NLRP7: variants seen among roughly 807,000 people sequenced by gnomAD.
NLRP7 encodes NLR family pyrin domain containing 7, also known as NACHT, LRR and PYD domains-containing protein 7.
NLRP7 carries 72 observed loss-of-function variants against 85.5 expected under a neutral mutation model. That is an observed-to-expected ratio of 0.84 (90% CI 0.70 to 1.02). The LOEUF (loss-of-function observed/expected upper bound fraction) is 1.02, where lower values mean the gene tolerates loss of function less well. Ranked by LOEUF, NLRP7 falls within the 50% of genes least tolerant of loss-of-function variation. NLRP7 has a pLI of 0.00. For missense variants in NLRP7, 1,243 were observed against 1,219.5 expected, an observed-to-expected ratio of 1.02 and a Z score of -0.29; for synonymous variants, 550 against 505.2, an observed-to-expected ratio of 1.09 and a Z score of -1.19.
At chr19:54,939,888 G>C (rs79513034) in exon 4 of NLRP7, 1 of 1,613,844 alleles carries the variant, frequency 6.2e-7, no homozygotes, top group Non-Finnish European at 8.5e-7. Context: ...TGCGCCAGGA[G>C]CTGGAGGTCC....
chr19:54,939,117 G>A (rs771417315), exon 4 of NLRP7: 10 of 1,614,210 alleles, frequency 6.2e-6, no homozygotes, highest in Non-Finnish European at 8.5e-6. Context: ...ACCTCCTTCA[G>A]GTCGGTCACG....
intron 8 of NLRP7, 41 bp downstream of exon 8, chr19:54,933,528 G>A: frequency 6.2e-7 from 1 of 1,605,924 alleles, no homozygotes; most frequent in South Asian, 1.1e-5. Flanking sequence ...TCTCCTGCTT[G>A]AATTCATGTG....
chr19:54,926,653 T>C (rs2068450159), intron 9 of NLRP7, among the ~76,000 whole-genome samples: 1 of 151,926 alleles, frequency 6.6e-6, no homozygotes, highest in African/African-American at 2.4e-5. Flanking sequence ...CAGTGGCTCA[T>C]GCCTGTAATC....
At chr19:54,929,119 A>G (rs977168874) in intron 9 of NLRP7, among the ~76,000 whole-genome samples, 14 of 152,334 alleles carry the variant, frequency 9.2e-5, no homozygotes, top group African/African-American at 3.4e-4. Flanking sequence ...CTGTAATCCC[A>G]GCACTTTGGG....
At chr19:54,959,838 C>T (rs570650066) in intron 1 of NLRP7, among the ~76,000 whole-genome samples, 4 of 152,010 alleles carry the variant, frequency 2.6e-5, no homozygotes, top group Admixed American at 1.3e-4. Context: ...CCAACTGCTC[C>T]GTTTTAGGTC....
At chr19:54,951,988 G>A (rs1348349539), upstream of NLRP7, among the ~76,000 whole-genome samples, 7 of 151,998 alleles carry the variant, frequency 4.6e-5, no homozygotes, top group Non-Finnish European at 7.4e-5. Flanking sequence ...TCCTGACCTC[G>A]TGATCCTCCC....
intron 9 of NLRP7, among the ~76,000 whole-genome samples, 184 bp from the exon 10 acceptor site, chr19:54,927,959 G>A (rs1193052222): frequency 6.6e-6 from 1 of 152,164 alleles, no homozygotes; most frequent in Non-Finnish European, 1.5e-5. Context: ...AGGGCGTGGG[G>A]ACAGACACCT....
chr19:54,965,542 G>A (rs1255326244), intron 1 of NLRP7, among the ~76,000 whole-genome samples: 3 of 91,796 alleles, frequency 3.3e-5, no homozygotes, highest in Admixed American at 1.1e-4. Flanking sequence ...TGCAAGCTCC[G>A]CCTCCCGGGT....
chr19:54,963,826 A>G (rs1466342522), intron 1 of NLRP7, among the ~76,000 whole-genome samples: 3 of 143,976 alleles, frequency 2.1e-5, no homozygotes, highest in Non-Finnish European at 4.6e-5. Flanking sequence ...TCAGTCTCAG[A>G]AAAAAAAAAA....
chr19:54,951,746 T>C (rs1208994956), upstream of NLRP7, among the ~76,000 whole-genome samples: 2 of 151,940 alleles, frequency 1.3e-5, no homozygotes, highest in African/African-American at 2.4e-5. Flanking sequence ...GCAGGGTCAT[T>C]AGACGAATTT....
chr19:54,949,552 T>C (rs544090470), upstream of NLRP7, among the ~76,000 whole-genome samples: 5 of 152,278 alleles, frequency 3.3e-5, no homozygotes, highest in African/African-American at 1.2e-4. Context: ...TATCTCTTGT[T>C]ATACATACCC....
intron 1 of NLRP7, among the ~76,000 whole-genome samples, chr19:54,961,203 T>C: frequency 6.6e-6 from 1 of 151,814 alleles, no homozygotes; most frequent in Admixed American, 6.6e-5. Context: ...TGAGACCCAG[T>C]CTCTAGTTAA....
At chr19:54,945,739 C>T (rs1252262390) in intron 1 of NLRP7, among the ~76,000 whole-genome samples, 2 of 152,004 alleles carry the variant, frequency 1.3e-5, no homozygotes, top group African/African-American at 4.8e-5. Flanking sequence ...GCTGGGATTA[C>T]AGGCGCACCG....
chr19:54,930,167 C>G (rs1166009536), intron 9 of NLRP7, among the ~76,000 whole-genome samples: 1 of 149,298 alleles, frequency 6.7e-6, no homozygotes, highest in African/African-American at 2.5e-5. Context: ...TCCAGATTTC[C>G]AAACACTTTA....
intron 1 of NLRP7, among the ~76,000 whole-genome samples, chr19:54,943,428 C>T (rs112322688): frequency 0.012 from 1,861 of 152,106 alleles, 39 homozygotes; most frequent in African/African-American, 0.043. Flanking sequence ...GGTGAAACCC[C>T]GTCTCTACTA....
chr19:54,930,335 G>A (rs1205258223), intron 9 of NLRP7, among the ~76,000 whole-genome samples, 164 bp downstream of exon 9: 1 of 151,074 alleles, frequency 6.6e-6, no homozygotes, highest in African/African-American at 2.4e-5. Flanking sequence ...GGTAATACAT[G>A]CCTGTAGAGC....
intron 1 of NLRP7, 85 bp downstream of exon 1, chr19:54,947,384 G>A (rs1445088296): frequency 1.9e-6 from 2 of 1,026,154 alleles, no homozygotes; most frequent in Non-Finnish European, 2.7e-6. Flanking sequence ...TAAGGCTTGG[G>A]AAGGGCTATG....
chr19:54,928,691 G>T (rs776590021), intron 9 of NLRP7, among the ~76,000 whole-genome samples: 6 of 152,130 alleles, frequency 3.9e-5, no homozygotes, highest in Non-Finnish European at 5.9e-5. Context: ...TGCTAACTGG[G>T]GGAGGGAATC....
At chr19:54,939,488 T>G (rs535082994) in exon 4 of NLRP7, 54 of 1,611,456 alleles carry the variant, frequency 3.4e-5, no homozygotes, top group Non-Finnish European at 4.2e-5. Flanking sequence ...CAGACGGAGG[T>G]CGGACTCCTG....
Sources: allele counts gnomAD v4.1 joint callset (sites outside exome capture counted in the v4.1 genomes callset), GRCh38; gene constraint gnomAD v4.1.1; transcripts MANE v1.5; gene names NCBI Gene and HGNC (gene_info 2026-07-23, HGNC 2026-07-21).